The following RPL18 variants were observed in gnomAD, a reference collection of about 807,000 sequenced individuals.
RPL18 encodes the protein ribosomal protein L18.
A neutral mutation model predicts 25.0 loss-of-function variants in RPL18; 4 were observed. The observed-to-expected ratio is 0.16, with a 90% CI of 0.08 to 0.37. RPL18 has a LOEUF of 0.37. RPL18 is among the 10% of genes least tolerant of loss of function. RPL18 has a pLI of 1.00. For synonymous variants in RPL18, 129 were observed against 101.6 expected, an observed-to-expected ratio of 1.27 and a Z score of -1.62; for missense variants, 179 against 267.9, an observed-to-expected ratio of 0.67 and a Z score of 2.32.
In RPL18 at chr19:48,617,441, C is replaced by G; in HGVS notation, c.91-18G>C. ...CTGTATAACTGGAGGGACGGGAAGACAGTGAGAAGCTGGGACAGCCTGCTC... is the reference window on the plus strand; with the variant it reads ...CTGTATAACTGGAGGGACGGGAAGAGAGTGAGAAGCTGGGACAGCCTGCTC... On this transcript the variant is annotated intron_variant, in intron 2 of 6. Coordinates refer to ENST00000549920, the MANE Select transcript of RPL18 (RefSeq NM_000979.4). The G allele has an allele frequency of 6.3e-7, 1 of 1,583,274 alleles. No individual in the cohort carries two copies. Among genetic ancestry groups the G allele is most frequent in the African/African-American group, 1.3e-5 (1 of 74,428 alleles).
At chr19:48,619,091 G>A (rs949442771) in intron 1 of RPL18, 50 bp downstream of exon 1, 4 of 1,587,384 alleles carry the variant, frequency 2.5e-6, no homozygotes, top group Admixed American at 3.6e-5. Context: ...CCAAAACCAC[G>A]GCGGATGGCA....
intron 1 of RPL18, chr19:48,618,812 G>T: frequency 2.4e-6 from 1 of 414,120 alleles, no homozygotes; most frequent in South Asian, 3.3e-5. Flanking sequence ...AAAGTGACAG[G>T]TCCAGATAAA....
rs1040235659 is a variant in RPL18, at chr19:48,617,803, C to T, written c.78G>A (p.Arg26=). 6.2e-7 allele frequency: 1 copy of T among 1,614,090 alleles called. No individual in the cohort carries two copies. The highest frequency in any genetic ancestry group is 1.1e-5 in the South Asian group (1 of 91,090). Residue 26 remains arginine, a synonymous_variant, in exon 2 of 7, where the codon AGG becomes AGA. Coordinates refer to ENST00000549920, the MANE Select transcript of RPL18 (RefSeq NM_000979.4). ...GGCCCAGCCTCACCTTGACCAACAG[C>T]CTCAGGTAGATATCCTGGCTCTTGG... ...KEPKSQDIYL[R]LLVKLYRFLA... is the part of the protein sequence containing the mutation.
chr19:48,616,259 C>A, intron 4 of RPL18, 57 bp from the exon 5 acceptor site: 1 of 1,598,834 alleles, frequency 6.3e-7, no homozygotes, highest in Non-Finnish European at 8.5e-7. Flanking sequence ...CCAGGGGCTG[C>A]CAGGACTCAC....
chr19:48,616,965 T>C (rs988558362), intron 3 of RPL18, 141 bp from the exon 4 acceptor site: 11 of 721,928 alleles, frequency 1.5e-5, no homozygotes, highest in Non-Finnish European at 2.5e-5. Flanking sequence ...CACAGGCCTC[T>C]CCTCAGGTCC....
intron 4 of RPL18, 176 bp from the exon 5 acceptor site, chr19:48,616,378 A>G (rs1457661280): frequency 1.4e-6 from 1 of 720,610 alleles, no homozygotes; most frequent in Non-Finnish European, 2.3e-6. Context: ...AACTTTCACC[A>G]CCACATCCCT....
intron 2 of RPL18, 107 bp downstream of exon 2, chr19:48,617,680 CGAGA>C (rs1405012392): frequency 3.6e-6 from 3 of 831,488 alleles, no homozygotes; most frequent in Non-Finnish European, 6.0e-6. Context: ...ACCAGAGACC[CGAGA>C]CTGCTCTGCA....
Position 48,615,367 on chromosome 19 carries a change from C to T in RPL18, c.*5G>A, listed in dbSNP as rs773088745. The T allele has an allele frequency of 1.2e-6, 2 of 1,607,716 alleles. No homozygotes were observed. The highest frequency in any genetic ancestry group is 1.7e-5 in the Admixed American group (1 of 59,536). On this transcript the variant is annotated 3_prime_UTR_variant, in exon 7 of 7. Transcript: ENST00000549920. Reference sequence around the variant, plus strand: ...ATCTTTTTAATAAGAGAGTAGGATCCAGGGTTAGTTTTTGTAGCCTCGGCT... The same window carrying T: ...ATCTTTTTAATAAGAGAGTAGGATCTAGGGTTAGTTTTTGTAGCCTCGGCT...
In RPL18 at chr19:48,616,140, G is replaced by C; in HGVS notation, c.360C>G (p.Ile120Met). The change falls in exon 5 of 7, where the codon ATC becomes ATG. Residue 120 changes from isoleucine (I) to methionine (M), a missense_variant. Transcript: ENST00000549920. ...CCAGGGCCAGCTGGTCGAAAGTGAG[G>C]ATCTTGCCCCCTGCCCTGAGGATGC... ...RSRILRAGGKILTFDQLALDS... is the reference protein window; with the variant it reads ...RSRILRAGGKMLTFDQLALDS... 1 of 1,614,160 alleles carries C rather than the reference G, an allele frequency of 6.2e-7. No homozygotes were observed. The highest frequency in any genetic ancestry group is 8.5e-7 in the Non-Finnish European group (1 of 1,180,020).
chr19:48,619,064 TC>T, intron 1 of RPL18, 76 bp downstream of exon 1: 1 of 1,523,124 alleles, frequency 6.6e-7, no homozygotes, highest in Non-Finnish European at 9.0e-7. Context: ...CCTGCCGCCC[TC>T]CAGCGTGCCC....
chr19:48,616,655 AGC>A, intron 4 of RPL18, 69 bp downstream of exon 4: 1 of 1,043,476 alleles, frequency 9.6e-7, no homozygotes, highest in African/African-American at 1.6e-5. Context: ...AGCACAGCAC[AGC>A]ACAGCACAGC....
chr19:48,616,464 CT>C, intron 4 of RPL18: 1 of 672,100 alleles, frequency 1.5e-6, no homozygotes, highest in South Asian at 1.7e-5. Flanking sequence ...GGAGTCTAGA[CT>C]TGAGCCCAGG....
In RPL18 at chr19:48,617,440, A is replaced by C. The variant is rs761981605; in HGVS notation, c.91-17T>G. 1.5e-5 allele frequency: 24 copies of C among 1,589,292 alleles called. No homozygotes were observed. Among genetic ancestry groups the C allele is most frequent in the Admixed American group, 3.3e-5 (2 of 59,912 alleles). The stretch of plus-strand genomic sequence containing the variant: ...CCTGTATAACTGGAGGGACGGGAAG[A>C]CAGTGAGAAGCTGGGACAGCCTGCT... On this transcript the variant is annotated splice_polypyrimidine_tract_variant and intron_variant, in intron 2 of 6. Coordinates refer to ENST00000549920, the MANE Select transcript of RPL18 (RefSeq NM_000979.4).
chr19:48,615,834 G>T, intron 6 of RPL18, 43 bp downstream of exon 6: 4 of 1,543,654 alleles, frequency 2.6e-6, no homozygotes, highest in African/African-American at 1.4e-5. Context: ...GGCCCTGCAG[G>T]CTGAGTCTGG....
intron 1 of RPL18, chr19:48,618,771 G>T: frequency 3.4e-6 from 1 of 295,926 alleles, no homozygotes; most frequent in Non-Finnish European, 6.4e-6. Context: ...CACCCGCCGC[G>T]GCCCCCATCG....
At chr19:48,615,749 C>T in intron 6 of RPL18, 128 bp downstream of exon 6, 2 of 820,708 alleles carry the variant, frequency 2.4e-6, no homozygotes, top group Admixed American at 2.1e-5. Flanking sequence ...CAGGATGAGG[C>T]AGCTGAGAGT....
At chr19:48,615,512 G>A (rs1390475702) in intron 6 of RPL18, 65 bp from the exon 7 acceptor site, 2 of 1,191,994 alleles carry the variant, frequency 1.7e-6, no homozygotes, top group South Asian at 1.3e-5. Flanking sequence ...AGTGGCACAG[G>A]AACACCACAA....
At position 48,615,512 on chromosome 19, in the gene RPL18, G is replaced by GA. The variant is rs1974141230; in HGVS notation, c.492-66dup. The GA allele has an allele frequency of 4.2e-5, 50 of 1,191,876 alleles. 1 individual carries two copies. In the South Asian group the frequency reaches 6.4e-4, roughly 15 times the overall value. 73.8% of individuals were successfully genotyped at this position (1,191,876 alleles called of 1,614,324 possible). ...AGGAGGCCATTGTGGAGTGGCACAG[G>GA]AACACCACAAGCCTGTCACATTCAG... On this transcript the variant is annotated intron_variant, in intron 6 of 6. Transcript: ENST00000549920.
chr19:48,617,343 G>C lies in RPL18; in HGVS notation c.171C>G (p.Asn57Lys). Residue 57 changes from asparagine (N) to lysine (K), a missense_variant, in exon 3 of 7, where the codon AAC (asparagine) becomes AAG (lysine). Transcript: ENST00000549920. ...TCCGGGAAAGGGACAGAGGCGGCCG[G>C]TTGGTGCGACTCATAAACAACCTCT... ...VLKRLFMSRT[N>K]RPPLSLSRMI... The C allele has an allele frequency of 1.2e-6, 2 of 1,614,154 alleles. No homozygotes were observed. Among genetic ancestry groups the C allele is most frequent in the Non-Finnish European group, 1.7e-6 (2 of 1,179,996 alleles).
Sources: allele counts gnomAD v4.1 joint callset, GRCh38; gene constraint gnomAD v4.1.1; transcripts MANE v1.5; gene names NCBI Gene and HGNC (gene_info 2026-07-23, HGNC 2026-07-21).